DEXI: variants seen among roughly 807,000 people sequenced by gnomAD.
DEXI encodes the protein dexamethasone-induced protein.
DEXI carries 2 observed loss-of-function variants against 2.5 expected under a neutral mutation model. The observed-to-expected ratio is 0.81, with a 90% confidence interval of 0.33 to 2.55. The LOEUF (loss-of-function observed/expected upper bound fraction) is 2.55, where lower values mean the gene tolerates loss of function less well. DEXI is among the 30% of genes most tolerant of loss of function. The pLI is 0.11. For missense variants in DEXI, 108 were observed against 130.3 expected (o/e 0.83, Z 0.83); for synonymous variants, 71 against 68.7 (o/e 1.03, Z -0.17).
rs2041102381 is a variant in DEXI at position 10,941,542 on chromosome 16, C to G, written c.*149+27G>C. 18 of 1,431,224 alleles carry G rather than the reference C, an allele frequency of 1.3e-5. No individual in the cohort carries two copies. Among genetic ancestry groups the G allele is most frequent in the Non-Finnish European group, 1.7e-5 (18 of 1,089,996 alleles). The allele number at this position is 1,431,224 out of a possible 1,614,324, so 88.7% of individuals were successfully genotyped here. ...TCCCTTGCTAGCGCCCCAACCCGCC[C>G]TCATCCTGTTCAGAGAGGGCACTTA... is the stretch of plus-strand genomic sequence containing the variant. On this transcript the variant is annotated intron_variant, in intron 1 of 1. Coordinates refer to ENST00000331808, the MANE Select transcript of DEXI (RefSeq NM_014015.4). This position sits in a 1 kb window ranked among gnomAD's most constrained non-coding sequence, Gnocchi z 6.4.
At position 10,929,515 on chromosome 16, in the gene DEXI, A is replaced by T. The variant is rs2040684242; in HGVS notation, c.*194T>A. On this transcript the variant is annotated 3_prime_UTR_variant, in exon 2 of 2. Coordinates refer to ENST00000331808, the MANE Select transcript of DEXI (RefSeq NM_014015.4). This position sits in a 1 kb window ranked among gnomAD's most constrained non-coding sequence, Gnocchi z 4.3. The stretch of plus-strand genomic sequence containing the variant: ...TCTCTCTTCCACTCTCCTGGGTTCA[A>T]ACAGGAACCTCTCTGTTGGCACGAA... 1.0e-6 allele frequency: 1 copy of T among 985,584 alleles called. No homozygotes were observed. The highest frequency in any genetic ancestry group is 1.2e-6 in the Non-Finnish European group (1 of 829,964). The allele number at this position is 985,584 out of a possible 1,614,324, so 61.1% of individuals were successfully genotyped here.
intron 1 of DEXI, chr16:10,933,314 T>C (rs2040878364): frequency 6.6e-6 from 1 of 152,276 alleles, no homozygotes; most frequent in Admixed American, 6.5e-5. Context: ...TGGTTCAGGA[T>C]GTGGCTTAAG....
intron 1 of DEXI, chr16:10,935,394 G>A (rs1489207228): frequency 6.6e-6 from 1 of 152,192 alleles, no homozygotes; most frequent in Non-Finnish European, 1.5e-5. Context: ...AAGAATACAG[G>A]CCAAGGCCCT....
At position 10,940,802 on chromosome 16, in the gene DEXI, T is replaced by A. The variant is rs2041092396; in HGVS notation, c.*149+767A>T. 6.6e-6 allele frequency: 1 copy of A among 152,282 alleles called. No individual in the cohort carries two copies. Among genetic ancestry groups the A allele is most frequent in the Admixed American group, 6.5e-5 (1 of 15,286 alleles). 9.4% of individuals were successfully genotyped at this position (152,282 alleles called of 1,614,324 possible). On this transcript the variant is annotated intron_variant, in intron 1 of 1. Coordinates refer to ENST00000331808, the MANE Select transcript of DEXI (RefSeq NM_014015.4). The surrounding 1 kb of genome is among the most constrained non-coding windows in gnomAD (Gnocchi z 4.2). ...CAGCCCCAAAGACAGGACTTGACCA[T>A]CTCAGTGCAATGACCCTGTGGTGCC...
At chr16:10,933,691 G>T (rs1051136853) in intron 1 of DEXI, 1 of 152,262 alleles carries the variant, frequency 6.6e-6, no homozygotes, top group African/African-American at 2.4e-5. Context: ...TACCGGCAGG[G>T]AACCTTCTCA....
chr16:10,934,591 G>A lies in DEXI; in HGVS notation c.*150-5032C>T, dbSNP rs74899521. ...GCCCAATGCTGCCACCTCATAGATG[G>A]GTATCTGAGATGAGTCATCGAACTT... On this transcript the variant is annotated intron_variant, in intron 1 of 1. Transcript: ENST00000331808. This position sits in a 1 kb window ranked among gnomAD's most constrained non-coding sequence, Gnocchi z 4.2. 6.6e-6 allele frequency: 1 copy of A among 152,222 alleles called. No individual in the cohort carries two copies. Among genetic ancestry groups the A allele is most frequent in the African/African-American group, 2.4e-5 (1 of 41,438 alleles). 9.4% of individuals were successfully genotyped at this position (152,222 alleles called of 1,614,324 possible).
In DEXI at chr16:10,937,574, T is replaced by C. The variant is rs1175957160; in HGVS notation, c.*149+3995A>G. 3 of 152,264 alleles carry C rather than the reference T, an allele frequency of 2.0e-5. No individual in the cohort carries two copies. The highest frequency in any genetic ancestry group is 7.2e-5 in the African/African-American group (3 of 41,468). The allele number at this position is 152,264 out of a possible 1,614,324, so 9.4% of individuals were successfully genotyped here. ...GAGCTGCACCAGGACAAGCTGACTC[T>C]GGTGGCAACGTTCTCCAGTCTCTGC... On this transcript the variant is annotated intron_variant, in intron 1 of 1. Coordinates refer to ENST00000331808, the MANE Select transcript of DEXI (RefSeq NM_014015.4). This position sits in a 1 kb window ranked among gnomAD's most constrained non-coding sequence, Gnocchi z 4.2.
chr16:10,936,952 G>C (rs1346195216), intron 1 of DEXI: 1 of 152,242 alleles, frequency 6.6e-6, no homozygotes, highest in African/African-American at 2.4e-5. Context: ...TATCCAAATT[G>C]AGAGAAGCCC....
rs768372760 is a variant in DEXI, at chr16:10,941,806, A to G, written c.200T>C (p.Leu67Pro). 5.6e-6 allele frequency: 9 copies of G among 1,613,472 alleles called. No homozygotes were observed. The highest frequency in any genetic ancestry group is 2.5e-6 in the Non-Finnish European group (3 of 1,179,862). ...VFLPEDMDQA[L>P]VDLGVLSDPG... ...GTCGGAGAGCACGCCGAGGTCCACGAGCGCCTGGTCCATGTCCTCGGGCAG... is the reference window on the plus strand; with the variant it reads ...GTCGGAGAGCACGCCGAGGTCCACGGGCGCCTGGTCCATGTCCTCGGGCAG... Residue 67 changes from leucine (L) to proline (P), a missense_variant, in exon 1 of 2, where the codon CTC becomes CCC. Coordinates refer to ENST00000331808, the MANE Select transcript of DEXI (RefSeq NM_014015.4). This position sits in a 1 kb window ranked among gnomAD's most constrained non-coding sequence, Gnocchi z 6.4.
intron 1 of DEXI, chr16:10,932,864 T>C (rs13337208): frequency 1.8e-4 from 28 of 152,118 alleles, no homozygotes; most frequent in African/African-American, 5.8e-4. Context: ...ATTGATGTAT[T>C]TTTTAGTAGA....
chr16:10,933,805 T>G (rs1306132370), intron 1 of DEXI: 1 of 152,138 alleles, frequency 6.6e-6, no homozygotes, highest in Non-Finnish European at 1.5e-5. Flanking sequence ...AAAAATCAAT[T>G]AAAGTGGCTA....
intron 1 of DEXI, chr16:10,936,646 G>A (rs929253322): frequency 2.6e-5 from 4 of 152,254 alleles, no homozygotes; most frequent in Non-Finnish European, 1.5e-5. Context: ...AAAGTTGGAA[G>A]AGTGCGTATG....
intron 1 of DEXI, chr16:10,935,154 T>G (rs983639046): frequency 6.6e-6 from 1 of 152,206 alleles, no homozygotes; most frequent in African/African-American, 2.4e-5. Flanking sequence ...GTCTGAGGTG[T>G]TGGTGGAGCT....
chr16:10,933,070 C>T (rs2040867616), intron 1 of DEXI: 1 of 152,150 alleles, frequency 6.6e-6, no homozygotes, highest in African/African-American at 2.4e-5. Context: ...CTTATAGAAC[C>T]CAGGGCAGCA....
In DEXI at chr16:10,937,482, T is replaced by C. The variant is rs554191131; in HGVS notation, c.*149+4087A>G. 1.3e-5 allele frequency: 2 copies of C among 152,270 alleles called. No individual in the cohort carries two copies. Among genetic ancestry groups the C allele is most frequent in the Non-Finnish European group, 2.9e-5 (2 of 68,124 alleles). 9.4% of individuals were successfully genotyped at this position (152,270 alleles called of 1,614,324 possible). A position where few individuals can be genotyped will look rare whatever the true frequency, so the allele number is the denominator to read the frequency against. On this transcript the variant is annotated intron_variant, in intron 1 of 1. Coordinates refer to ENST00000331808, the MANE Select transcript of DEXI (RefSeq NM_014015.4). The surrounding 1 kb of genome is among the most constrained non-coding windows in gnomAD (Gnocchi z 4.2). ...GCAGCTGTGGTTCCTAGTTGGGAGATAACTGAAGCCTAGGAAATCCTGGAA... is the reference window on the plus strand; with the variant it reads ...GCAGCTGTGGTTCCTAGTTGGGAGACAACTGAAGCCTAGGAAATCCTGGAA...
rs2040694640 is a variant in DEXI at position 10,929,701 on chromosome 16, A to T, written c.*150-142T>A. On this transcript the variant is annotated intron_variant, in intron 1 of 1. Transcript: ENST00000331808. The surrounding 1 kb of genome is among the most constrained non-coding windows in gnomAD (Gnocchi z 4.3). ...CTTCCTCCATCCCTCAAATTTAGGG[A>T]ACCACTGGGAGCCCCAGACTCAGGC... 7.4e-6 allele frequency: 2 copies of T among 268,830 alleles called. No individual in the cohort carries two copies. Among genetic ancestry groups the T allele is most frequent in the Admixed American group, 6.5e-5 (1 of 15,408 alleles). 16.7% of individuals were successfully genotyped at this position (268,830 alleles called of 1,614,324 possible). A position where few individuals can be genotyped will look rare whatever the true frequency, so the allele number is the denominator to read the frequency against.
intron 1 of DEXI, chr16:10,930,176 C>A (rs1015439638): frequency 1.3e-5 from 2 of 152,360 alleles, no homozygotes; most frequent in Admixed American, 6.5e-5. Flanking sequence ...CCATGCCCAA[C>A]CCCTCTGCAG....
chr16:10,938,882 T>A lies in DEXI; in HGVS notation c.*149+2687A>T, dbSNP rs2041064640. 1 of 152,252 alleles carries A rather than the reference T, an allele frequency of 6.6e-6. No individual in the cohort carries two copies. Among genetic ancestry groups the A allele is most frequent in the South Asian group, 2.1e-4 (1 of 4,834 alleles). 9.4% of individuals were successfully genotyped at this position (152,252 alleles called of 1,614,324 possible). A position where few individuals can be genotyped will look rare whatever the true frequency, so the allele number is the denominator to read the frequency against. On this transcript the variant is annotated intron_variant, in intron 1 of 1. Transcript: ENST00000331808. The surrounding 1 kb of genome is among the most constrained non-coding windows in gnomAD (Gnocchi z 4.9). ...TGTCGAAGCATTTGGGATTCAGTTT[T>A]TAGTTCAGAATATGCCAATGTTTTC...
At position 10,934,294 on chromosome 16, in the gene DEXI, A is replaced by G. The variant is rs934628807; in HGVS notation, c.*150-4735T>C. On this transcript the variant is annotated intron_variant, in intron 1 of 1. Transcript: ENST00000331808. This position sits in a 1 kb window ranked among gnomAD's most constrained non-coding sequence, Gnocchi z 4.2. ...CTCCAATTTTTTAATAAGATCATTT[A>G]TGTCACCATATAACACCCAAAGCAG... is the stretch of plus-strand genomic sequence containing the variant. The G allele has an allele frequency of 1.3e-5, 2 of 152,252 alleles. No individual in the cohort carries two copies. The highest frequency in any genetic ancestry group is 2.9e-5 in the Non-Finnish European group (2 of 68,042). 9.4% of individuals were successfully genotyped at this position (152,252 alleles called of 1,614,324 possible).
Sources: gnomAD v4.1 joint callset for allele counts on GRCh38, gnomAD v4.1.1 for gene constraint, Gnocchi (gnomAD v3.1) non-coding constraint, MANE v1.5 for transcripts, NCBI Gene and HGNC (gene_info 2026-07-23, HGNC 2026-07-21) for gene names.